SP1: variants seen among roughly 807,000 people sequenced by gnomAD.
SP1 encodes Sp1 transcription factor, also known as transcription factor Sp1.
In SP1, 6 loss-of-function variants were observed where a neutral mutation model predicts 66.3. That is an observed-to-expected ratio of 0.09 (90% CI 0.05 to 0.18). The LOEUF (loss-of-function observed/expected upper bound fraction) is 0.18, where lower values mean the gene tolerates loss of function less well. Ranked by LOEUF, SP1 falls within the 10% of genes least tolerant of loss-of-function variation. The pLI is 1.00. For missense variants in SP1, 848 were observed against 964.5 expected, an observed-to-expected ratio of 0.88 and a Z score of 1.60; for synonymous variants, 417 against 360.8, an observed-to-expected ratio of 1.16 and a Z score of -1.77.
chr12:53,383,384 C>G lies in SP1; in HGVS notation c.1437C>G (p.Ala479=). 1 of 1,614,210 alleles carries G rather than the reference C, an allele frequency of 6.2e-7. No individual in the cohort carries two copies. Among genetic ancestry groups the G allele is most frequent in the Non-Finnish European group, 8.5e-7 (1 of 1,180,022 alleles). Residue 479 remains alanine, a synonymous_variant, in exon 3 of 6, where the codon GCC becomes GCG. Coordinates refer to ENST00000327443, the MANE Select transcript of SP1 (RefSeq NM_138473.3). ...ACCTCCAAGTTCAGAACCCACAAGC[C>G]CAAACAATCACCTTAGCCCCAATGC... ...LQNLQVQNPQ[A]QTITLAPMQG...
intron 4 of SP1, among the ~76,000 whole-genome samples, chr12:53,408,266 C>T (rs544637628): frequency 2.9e-4 from 39 of 133,168 alleles, no homozygotes; most frequent in African/African-American, 1.0e-3. Flanking sequence ...AAAAGAGCTT[C>T]GCTCTTGTTG....
Position 53,411,509 on chromosome 12 carries a change from C to G in SP1, c.*269C>G. ...TTTGTTTGACCCCAGTTTCTTCTTA[C>G]ACTTCTTACCCCAGCCTACCCTTCC... On this transcript the variant is annotated 3_prime_UTR_variant, in exon 6 of 6. Transcript: ENST00000327443. 2.8e-6 allele frequency: 1 copy of G among 357,630 alleles called. No homozygotes were observed. The highest frequency in any genetic ancestry group is 5.0e-6 in the Non-Finnish European group (1 of 198,218). 22.2% of individuals were successfully genotyped at this position (357,630 alleles called of 1,614,324 possible).
chr12:53,404,183 AG>A (rs1363893680), intron 3 of SP1, among the ~76,000 whole-genome samples: 4 of 151,536 alleles, frequency 2.6e-5, no homozygotes. Context: ...AAAAAAAAAA[AG>A]GAAAGAAGTC....
At chr12:53,391,671 G>A (rs1020727306) in intron 3 of SP1, among the ~76,000 whole-genome samples, 2 of 151,378 alleles carry the variant, frequency 1.3e-5, no homozygotes, top group African/African-American at 4.9e-5. Flanking sequence ...ATGATCTTGA[G>A]ATTTGGGATA....
chr12:53,407,747 C>T (rs1329933313), intron 4 of SP1, among the ~76,000 whole-genome samples: 5 of 152,014 alleles, frequency 3.3e-5, no homozygotes, highest in African/African-American at 9.6e-5. Flanking sequence ...CGCCATTCTC[C>T]TGCCTCAGCC....
At chr12:53,389,922 T>C (rs1938312167) in intron 3 of SP1, among the ~76,000 whole-genome samples, 1 of 152,174 alleles carries the variant, frequency 6.6e-6, no homozygotes, top group South Asian at 2.1e-4. Flanking sequence ...TTTCAGGTAC[T>C]AAAAATAACA....
chr12:53,383,568 G>C lies in SP1; in HGVS notation c.1621G>C (p.Gly541Arg). The change falls in exon 3 of 6, where the codon GGA becomes CGA. Residue 541 changes from glycine (G) to arginine (R), a missense_variant. Physicochemically the swap from Gly to Arg is moderately radical, Grantham distance 125. This residue lies in a region of SP1 where 606 missense variants were observed against 589.9 expected (regional missense o/e 1.03). Transcript: ENST00000327443. ...TINLSALGTS[G>R]IQVHPIQGLP... is the part of the protein sequence containing the mutation. ...TAACCTCAGTGCATTGGGTACTTCA[G>C]GAATCCAGGTGCACCCAATTCAAGG... 1 of 1,613,770 alleles carries C rather than the reference G, an allele frequency of 6.2e-7. No homozygotes were observed. The highest frequency in any genetic ancestry group is 8.5e-7 in the Non-Finnish European group (1 of 1,179,944).
chr12:53,396,044 TG>T (rs1338361003), intron 3 of SP1, among the ~76,000 whole-genome samples: 2 of 151,344 alleles, frequency 1.3e-5, no homozygotes. Flanking sequence ...CACCTGAACC[TG>T]GAAAGTGGAG....
Position 53,381,473 on chromosome 12 carries a change from C to A in SP1, c.8-186C>A, listed in dbSNP as rs949624104. 20 of 478,452 alleles carry A rather than the reference C, an allele frequency of 4.2e-5. No individual in the cohort carries two copies. In the Admixed American group the frequency reaches 6.6e-4, roughly 16 times the overall value. The allele number at this position is 478,452 out of a possible 1,614,324, so 29.6% of individuals were successfully genotyped here. A position where few individuals can be genotyped will look rare whatever the true frequency, so the allele number is the denominator to read the frequency against. ...GGAGAATTAAGGCCCACTTTTGGCA[C>A]ATTGAACCTAGTTCATGTCCTGCAT... On this transcript the variant is annotated intron_variant, in intron 1 of 5. Transcript: ENST00000327443.
chr12:53,410,435 C>T (rs965534099), intron 5 of SP1, among the ~76,000 whole-genome samples: 2 of 152,116 alleles, frequency 1.3e-5, no homozygotes, highest in Middle Eastern at 3.2e-3. Context: ...CCTTCCTTAC[C>T]GAGTACTCCC....
chr12:53,413,895 G>T lies in SP1; in HGVS notation c.*2655G>T, dbSNP rs1458798537. On this transcript the variant is annotated 3_prime_UTR_variant, in exon 6 of 6. Transcript: ENST00000327443. The stretch of plus-strand genomic sequence containing the variant: ...GGTTTACCCTCAACCCTATTCATTA[G>T]CATTACCATGAGTGAATTTATATCT... 6.6e-6 allele frequency: 1 copy of T among 152,188 alleles called. No homozygotes were observed. The highest frequency in any genetic ancestry group is 1.5e-5 in the Non-Finnish European group (1 of 68,030). 9.4% of individuals were successfully genotyped at this position (152,188 alleles called of 1,614,324 possible). A position where few individuals can be genotyped will look rare whatever the true frequency, so the allele number is the denominator to read the frequency against.
In SP1 at chr12:53,411,101, C is replaced by T; in HGVS notation, c.2219C>T (p.Pro740Leu). The T allele has an allele frequency of 6.2e-7, 1 of 1,614,230 alleles. No homozygotes were observed. Among genetic ancestry groups the T allele is most frequent in the Non-Finnish European group, 8.5e-7 (1 of 1,180,038 alleles). Residue 740 changes from proline (P) to leucine (L), a missense_variant, in exon 6 of 6, where the codon CCT (proline) becomes CTT (leucine). Physicochemically the swap from Pro to Leu is moderately conservative, Grantham distance 98. Coordinates refer to ENST00000327443, the MANE Select transcript of SP1 (RefSeq NM_138473.3). Reference sequence around the variant, plus strand: ...TCAGAAGGCAGTGGCACTGCCACTCCTTCAGCCCTTATTACCACCAATATG... The same window carrying T: ...TCAGAAGGCAGTGGCACTGCCACTCTTTCAGCCCTTATTACCACCAATATG... ...AGSEGSGTAT[P>L]SALITTNMVA...
chr12:53,383,431 C>T lies in SP1; in HGVS notation c.1484C>T (p.Thr495Ile), dbSNP rs781252153. The change falls in exon 3 of 6, where the codon ACC (threonine) becomes ATC (isoleucine). Residue 495 changes from threonine (T) to isoleucine (I), a missense_variant. Thr to Ile is a moderately conservative substitution (Grantham distance 89, BLOSUM62 -1). This residue lies in a region of SP1 where 606 missense variants were observed against 589.9 expected (regional missense o/e 1.03). Coordinates refer to ENST00000327443, the MANE Select transcript of SP1 (RefSeq NM_138473.3). ...APMQGVSLGQ[T>I]SSSNTTLTPI... ...ATGCAGGGTGTTTCCTTGGGGCAGACCAGCAGCAGCAACACCACTCTCACA... is the reference window on the plus strand; with the variant it reads ...ATGCAGGGTGTTTCCTTGGGGCAGATCAGCAGCAGCAACACCACTCTCACA... The T allele has an allele frequency of 1.2e-6, 2 of 1,614,214 alleles. No individual in the cohort carries two copies. The highest frequency in any genetic ancestry group is 8.5e-7 in the Non-Finnish European group (1 of 1,180,036).
chr12:53,386,658 ATTGT>A (rs757564731), intron 3 of SP1, among the ~76,000 whole-genome samples: 2 of 148,666 alleles, frequency 1.3e-5, no homozygotes, highest in African/African-American at 2.5e-5. Flanking sequence ...TGCCCGCCTA[ATTGT>A]TTGTTTAATG....
chr12:53,408,239 C>G (rs1371986522), intron 4 of SP1, among the ~76,000 whole-genome samples: 2 of 120,396 alleles, frequency 1.7e-5, no homozygotes, highest in African/African-American at 6.1e-5. Flanking sequence ...GAGTGAGACT[C>G]TGTCTCAAAA....
At chr12:53,408,077 T>C (rs1366981035) in intron 4 of SP1, among the ~76,000 whole-genome samples, 2 of 144,226 alleles carry the variant, frequency 1.4e-5, no homozygotes, top group African/African-American at 5.0e-5. Flanking sequence ...TGAAACCCCA[T>C]CTCTACTAAA....
chr12:53,411,633 C>T lies in SP1; in HGVS notation c.*393C>T, dbSNP rs1240454852. ...ATATGATCATTGAAATACTTTTTAA[C>T]AAAAAACAGATTCTATATTATTATA... On this transcript the variant is annotated 3_prime_UTR_variant, in exon 6 of 6. Coordinates refer to ENST00000327443, the MANE Select transcript of SP1 (RefSeq NM_138473.3). 2.1e-5 allele frequency: 3 copies of T among 144,042 alleles called. No individual in the cohort carries two copies. The highest frequency in any genetic ancestry group is 4.5e-5 in the Non-Finnish European group (3 of 66,636). 8.9% of individuals were successfully genotyped at this position (144,042 alleles called of 1,614,324 possible). A position where few individuals can be genotyped will look rare whatever the true frequency, so the allele number is the denominator to read the frequency against.
intron 3 of SP1, among the ~76,000 whole-genome samples, chr12:53,406,300 C>T (rs748129957): frequency 1.4e-4 from 22 of 152,048 alleles, no homozygotes; most frequent in Middle Eastern, 3.4e-3. Flanking sequence ...AACTCCTGAC[C>T]TCAGGTGATC....
intron 2 of SP1, 81 bp downstream of exon 2, chr12:53,381,894 CG>C: frequency 2.7e-6 from 4 of 1,485,888 alleles, no homozygotes; most frequent in Non-Finnish European, 3.6e-6. Flanking sequence ...TCACAGAAAG[CG>C]TTTTAGGGAG....
Sources: gnomAD v4.1 joint callset for allele counts (sites outside exome capture counted in the v4.1 genomes callset) on GRCh38, gnomAD v4.1.1 for gene constraint, gnomAD v4.1.1 regional missense constraint, MANE v1.5 for transcripts, NCBI Gene and HGNC (gene_info 2026-07-23, HGNC 2026-07-21) for gene names.